The following FKBP15 variants were observed in gnomAD, a reference collection of about 807,000 sequenced individuals.
The protein encoded by FKBP15 is FK506-binding protein 15.
In FKBP15, 106 loss-of-function variants were observed where a neutral mutation model predicts 158.1. The observed-to-expected ratio is 0.67, with a 90% CI of 0.57 to 0.79. The LOEUF (loss-of-function observed/expected upper bound fraction) is 0.79, where lower values mean the gene tolerates loss of function less well. Ranked by LOEUF, FKBP15 falls within the 30% of genes least tolerant of loss-of-function variation. FKBP15 has a pLI of 0.00. For missense variants in FKBP15, 1,287 were observed against 1,479.1 expected (o/e 0.87, Z 2.13); for synonymous variants, 547 against 548.6 (o/e 1.00, Z 0.04).
At chr9:113,195,668 T>C (rs970931907) in intron 9 of FKBP15, among the ~76,000 whole-genome samples, 1 of 152,154 alleles carries the variant, frequency 6.6e-6, no homozygotes, top group African/African-American at 2.4e-5. Flanking sequence ...CTATTTGTAT[T>C]GTATTTTAGA....
chr9:113,213,332 C>G (rs1831052309), intron 1 of FKBP15, among the ~76,000 whole-genome samples: 1 of 151,586 alleles, frequency 6.6e-6, no homozygotes. Context: ...TCGCCTGAAC[C>G]AAGGAGGCAG....
Position 113,211,200 on chromosome 9 carries a change from C to T in FKBP15, c.169+277G>A, listed in dbSNP as rs189563351. On this transcript the variant is annotated intron_variant, in intron 2 of 27. Transcript: ENST00000238256. ...TGTTTTGTTTTTTGAGACAGAGTCT[C>T]GCTCTGTTGCCCAGGCTGGAGTACA... 1.4e-3 allele frequency among the ~76,000 whole-genome samples: 216 copies of T among 152,294 alleles called. 1 individual carries two copies. Among genetic ancestry groups the T allele is most frequent in the African/African-American group, 4.9e-3 (204 of 41,568 alleles).
At chr9:113,214,218 C>T (rs534328393) in intron 1 of FKBP15, among the ~76,000 whole-genome samples, 2 of 152,322 alleles carry the variant, frequency 1.3e-5, no homozygotes, top group African/African-American at 4.8e-5. Flanking sequence ...TGCTCTTGAA[C>T]TCCTGGGCTC....
In FKBP15 at chr9:113,161,318, C is replaced by G; in HGVS notation, c.*4760G>C. 1 of 594,984 alleles carries G rather than the reference C, an allele frequency of 1.7e-6. No individual in the cohort carries two copies. The highest frequency in any genetic ancestry group is 2.9e-6 in the Non-Finnish European group (1 of 343,370). The allele number at this position is 594,984 out of a possible 1,614,324, so 36.9% of individuals were successfully genotyped here. On this transcript the variant is annotated 3_prime_UTR_variant, in exon 28 of 28. Coordinates refer to ENST00000238256, the MANE Select transcript of FKBP15 (RefSeq NM_015258.2). ...CTGGATTTTTCAGGTGGCTTCTCTT[C>G]CTGATCTCAAAGCCACACTCCAGCT...
chr9:113,171,592 G>A lies in FKBP15; in HGVS notation c.2647C>T (p.Pro883Ser). 6.2e-7 allele frequency: 1 copy of A among 1,607,816 alleles called. No individual in the cohort carries two copies. The highest frequency in any genetic ancestry group is 8.5e-7 in the Non-Finnish European group (1 of 1,176,864). ...MSGVEAAASD[P>S]SEKVKKIMNQ... Reference sequence around the variant, plus strand: ...AAATACCAGCTCACCTTCTCTGAGGGGTCAGATGCAGCAGCTTCAACCCCA... The same window carrying A: ...AAATACCAGCTCACCTTCTCTGAGGAGTCAGATGCAGCAGCTTCAACCCCA... The change falls in exon 24 of 28, where the codon CCC becomes TCC. Residue 883 changes from proline (P) to serine (S), a missense_variant. Pro to Ser is a moderately conservative substitution (Grantham distance 74). Transcript: ENST00000238256.
At chr9:113,219,491 A>T (rs3810915) in intron 1 of FKBP15, among the ~76,000 whole-genome samples, 1 of 152,206 alleles carries the variant, frequency 6.6e-6, no homozygotes, top group African/African-American at 2.4e-5. Flanking sequence ...GGTTTTCCTG[A>T]TAACTGTGGG....
chr9:113,189,526 T>C (rs1830538906), intron 12 of FKBP15, among the ~76,000 whole-genome samples: 2 of 152,104 alleles, frequency 1.3e-5, no homozygotes, highest in African/African-American at 4.8e-5. Flanking sequence ...TATTCTTATT[T>C]ACACTGCATT....
Position 113,207,293 on chromosome 9 carries a change from T to C in FKBP15, c.173A>G (p.Asn58Ser), listed in dbSNP as rs1169048706. The change falls in exon 3 of 28, where the codon AAT becomes AGT. Residue 58 changes from asparagine (N) to serine (S), a missense_variant. Physicochemically the swap from Asn to Ser is conservative, Grantham distance 46. Coordinates refer to ENST00000238256, the MANE Select transcript of FKBP15 (RefSeq NM_015258.2). ...TGGTGCTGTTTTTGGTGTTGCCTGA[T>C]TTCCTGAAGATGAACAAGAAAACAA... ...KKGQGTAATG[N>S]QATPKTAPAT... 6.2e-7 allele frequency: 1 copy of C among 1,604,934 alleles called. No individual in the cohort carries two copies. The highest frequency in any genetic ancestry group is 8.5e-7 in the Non-Finnish European group (1 of 1,176,754).
At chr9:113,213,799 A>G (rs1831065237) in intron 1 of FKBP15, among the ~76,000 whole-genome samples, 1 of 152,186 alleles carries the variant, frequency 6.6e-6, no homozygotes, top group South Asian at 2.1e-4. Flanking sequence ...TGTAAAAAAT[A>G]AATTCCTTTT....
intron 9 of FKBP15, among the ~76,000 whole-genome samples, chr9:113,195,583 G>A (rs1267263487): frequency 6.6e-6 from 1 of 152,152 alleles, no homozygotes; most frequent in Non-Finnish European, 1.5e-5. Flanking sequence ...TTAGGAAAGC[G>A]TCACTGAGAA....
At chr9:113,213,946 T>A (rs1831068730) in intron 1 of FKBP15, among the ~76,000 whole-genome samples, 1 of 152,142 alleles carries the variant, frequency 6.6e-6, no homozygotes, top group Non-Finnish European at 1.5e-5. Context: ...AAACAATTTT[T>A]TTTTAGAGAC....
chr9:113,174,820 T>TAACTTTCATAAAGGTACA (rs1212568573), intron 21 of FKBP15, among the ~76,000 whole-genome samples: 2 of 47,638 alleles, frequency 4.2e-5, no homozygotes, highest in African/African-American at 7.5e-5. Flanking sequence ...CTAGGGAAAT[T>TAACTTTCATAAAGGTACA]GGGAGGCCGA....
chr9:113,218,096 A>C (rs534692427), intron 1 of FKBP15, among the ~76,000 whole-genome samples: 1 of 152,174 alleles, frequency 6.6e-6, no homozygotes, highest in African/African-American at 2.4e-5. Flanking sequence ...AAAAACAAAA[A>C]CACATGCATT....
intron 1 of FKBP15, 124 bp downstream of exon 1, chr9:113,221,067 C>T (rs1408890727): frequency 1.9e-6 from 2 of 1,051,238 alleles, no homozygotes; most frequent in South Asian, 1.6e-5. Flanking sequence ...TGTAGAGCAC[C>T]GGAATGTGGC....
intron 27 of FKBP15, 48 bp from the exon 28 acceptor site, chr9:113,166,203 C>T (rs776033843): frequency 2.6e-6 from 4 of 1,518,814 alleles, no homozygotes; most frequent in Admixed American, 3.7e-5. Flanking sequence ...GCCTGCACCA[C>T]TGGACTTTCC....
rs192346541 is a variant in FKBP15, at chr9:113,190,114, C to T, written c.1173+357G>A. 2.0e-5 allele frequency among the ~76,000 whole-genome samples: 3 copies of T among 152,306 alleles called. No individual in the cohort carries two copies. The East Asian group carries it at 5.8e-4, about 29-fold the overall frequency. ...AACATCAGCGAGAAGACCAACATTT[C>T]CCAAAAGAATCTAAACATTCGCTCA... is the stretch of plus-strand genomic sequence containing the variant. On this transcript the variant is annotated intron_variant, in intron 12 of 27. Coordinates refer to ENST00000238256, the MANE Select transcript of FKBP15 (RefSeq NM_015258.2).
chr9:113,178,904 G>A lies in FKBP15; in HGVS notation c.1915-103C>T, dbSNP rs1587955024. 4.2e-6 allele frequency: 5 copies of A among 1,177,620 alleles called. No homozygotes were observed. The East Asian group carries it at 7.8e-5, about 18-fold the overall frequency. 72.9% of individuals were successfully genotyped at this position (1,177,620 alleles called of 1,614,324 possible). ...CTATGTAGACTGAACTAGTAAACAG[G>A]GAGTTATGGCTGCCTTCAACCTGCA... On this transcript the variant is annotated intron_variant, in intron 19 of 27. Transcript: ENST00000238256.
Position 113,162,144 on chromosome 9 carries a change from G to A in FKBP15, c.*3934C>T, listed in dbSNP as rs1323688384. Reference sequence around the variant, plus strand: ...CCACTCGAATCAGGCAACCATTTAGGGTCCCTGTTCTGCCCTCTGTCCAGC... The same window carrying A: ...CCACTCGAATCAGGCAACCATTTAGAGTCCCTGTTCTGCCCTCTGTCCAGC... On this transcript the variant is annotated 3_prime_UTR_variant, in exon 28 of 28. Transcript: ENST00000238256. 2 of 330,452 alleles carry A rather than the reference G, an allele frequency of 6.1e-6. No individual in the cohort carries two copies. The highest frequency in any genetic ancestry group is 1.8e-4 in the East Asian group (2 of 10,894). The allele number at this position is 330,452 out of a possible 1,614,324, so 20.5% of individuals were successfully genotyped here.
intron 24 of FKBP15, among the ~76,000 whole-genome samples, chr9:113,171,325 C>T (rs183310653): frequency 1.3e-5 from 2 of 152,296 alleles, no homozygotes; most frequent in Admixed American, 1.3e-4. Flanking sequence ...ACTCAGGCGG[C>T]TGCGGCAGGA....
Sources: allele counts gnomAD v4.1 joint callset (sites outside exome capture counted in the v4.1 genomes callset), GRCh38; gene constraint gnomAD v4.1.1; transcripts MANE v1.5; gene names NCBI Gene and HGNC (gene_info 2026-07-23, HGNC 2026-07-21).